RNF169: variants seen among roughly 807,000 people sequenced by gnomAD.
The protein encoded by RNF169 is E3 ubiquitin-protein ligase RNF169.
Under a neutral mutation model 53.9 loss-of-function variants are expected in RNF169, and 24 were observed. The ratio of observed to expected loss-of-function variants is 0.45; its 90% CI spans 0.32 to 0.63. The LOEUF (loss-of-function observed/expected upper bound fraction) is 0.63, where lower values mean the gene tolerates loss of function less well. Among genes scored for constraint, RNF169 ranks in the 20% least tolerant of loss-of-function variants. The pLI is 0.04. For synonymous variants in RNF169, 396 were observed against 363.5 expected (o/e 1.09, Z -1.02); for missense variants, 883 against 906.2 (o/e 0.97, Z 0.33).
At chr11:74,820,395 T>C (rs947304739) in intron 4 of RNF169, among the ~76,000 whole-genome samples, 1 of 152,016 alleles carries the variant, frequency 6.6e-6, no homozygotes, top group Non-Finnish European at 1.5e-5. Flanking sequence ...AATGGAAATA[T>C]CTAGAGGTGG....
intron 2 of RNF169, among the ~76,000 whole-genome samples, chr11:74,802,535 TG>T (rs1195419591): frequency 6.6e-6 from 1 of 152,012 alleles, no homozygotes; most frequent in African/African-American, 2.4e-5. Context: ...CCCAGCTACT[TG>T]GGAGGCTGAG....
chr11:74,794,166 T>G (rs139470381), intron 2 of RNF169, among the ~76,000 whole-genome samples: 1,567 of 152,194 alleles, frequency 0.01, 32 homozygotes, highest in African/African-American at 0.034. Context: ...AGAAAATGGA[T>G]ATTGGATTGG....
chr11:74,791,741 G>A (rs965037144), intron 2 of RNF169, among the ~76,000 whole-genome samples: 3 of 152,214 alleles, frequency 2.0e-5, no homozygotes, highest in Admixed American at 6.5e-5. Context: ...AGGTAGGGGC[G>A]CATCCTGGGC....
intron 4 of RNF169, among the ~76,000 whole-genome samples, chr11:74,833,877 T>C (rs1778143186): frequency 6.6e-6 from 1 of 152,076 alleles, no homozygotes; most frequent in Non-Finnish European, 1.5e-5. Flanking sequence ...GATACCCACA[T>C]ACAAAAGGAT....
At chr11:74,794,343 T>G (rs2035618195) in intron 2 of RNF169, among the ~76,000 whole-genome samples, 1 of 152,110 alleles carries the variant, frequency 6.6e-6, no homozygotes, top group South Asian at 2.1e-4. Context: ...GTTGTTACAG[T>G]TTTGGATGAT....
chr11:74,795,690 A>G (rs959066199), intron 2 of RNF169, among the ~76,000 whole-genome samples: 2 of 151,612 alleles, frequency 1.3e-5, no homozygotes, highest in African/African-American at 2.4e-5. Flanking sequence ...GTGAGACCCT[A>G]TCTCTACAAA....
intron 2 of RNF169, among the ~76,000 whole-genome samples, chr11:74,806,763 C>T (rs1192299869): frequency 6.6e-6 from 1 of 151,126 alleles, no homozygotes; most frequent in Non-Finnish European, 1.5e-5. Context: ...GTGTTAGAAG[C>T]CAGGATCATG....
chr11:74,796,451 T>C (rs2035650805), intron 2 of RNF169, among the ~76,000 whole-genome samples: 1 of 152,248 alleles, frequency 6.6e-6, no homozygotes, highest in South Asian at 2.1e-4. Context: ...ATATAAGACT[T>C]AGCCATCTTT....
At chr11:74,753,634 A>G (rs1360518576) in intron 1 of RNF169, among the ~76,000 whole-genome samples, 1 of 152,176 alleles carries the variant, frequency 6.6e-6, no homozygotes, top group Non-Finnish European at 1.5e-5. Flanking sequence ...CTCATCACAT[A>G]GTTGGATCAA....
intron 4 of RNF169, among the ~76,000 whole-genome samples, chr11:74,833,529 GC>G (rs1160733827): frequency 6.6e-6 from 1 of 152,120 alleles, no homozygotes; most frequent in Admixed American, 6.6e-5. Flanking sequence ...TCTCCTTTAT[GC>G]CGTTTCTGCT....
intron 1 of RNF169, among the ~76,000 whole-genome samples, chr11:74,758,483 C>T (rs569036953): frequency 2.3e-4 from 34 of 150,804 alleles, no homozygotes; most frequent in Non-Finnish European, 4.0e-4. Context: ...GCGATGCGGG[C>T]TCTTTTTTGG....
intron 2 of RNF169, among the ~76,000 whole-genome samples, chr11:74,805,083 G>C (rs2035785879): frequency 6.6e-6 from 1 of 152,200 alleles, no homozygotes; most frequent in African/African-American, 2.4e-5. Context: ...AAAATGACAT[G>C]AATGTCCATA....
chr11:74,820,120 G>C (rs1349043250), intron 4 of RNF169, among the ~76,000 whole-genome samples: 1 of 152,114 alleles, frequency 6.6e-6, no homozygotes, highest in East Asian at 1.9e-4. Context: ...AAAATTCACA[G>C]ATGAAATACA....
Position 74,837,392 on chromosome 11 carries a change from A to T in RNF169, c.*662A>T, listed in dbSNP as rs959470909. On this transcript the variant is annotated 3_prime_UTR_variant, in exon 6 of 6. Transcript: ENST00000299563. ...ATTAGCCCCATTTTTAGATGATGAA[A>T]CTGCAGTGCAGATGTTCTGGTTCTC... 5 of 152,226 alleles carry T rather than the reference A, an allele frequency of 3.3e-5. No homozygotes were observed. Among genetic ancestry groups the T allele is most frequent in the African/African-American group, 1.2e-4 (5 of 41,432 alleles). The allele number at this position is 152,226 out of a possible 1,614,324, so 9.4% of individuals were successfully genotyped here.
At chr11:74,761,523 T>C (rs1293906506) in intron 1 of RNF169, among the ~76,000 whole-genome samples, 2 of 151,180 alleles carry the variant, frequency 1.3e-5, no homozygotes, top group African/African-American at 4.9e-5. Flanking sequence ...ACAAAATCTC[T>C]CAGCATTTGC....
intron 1 of RNF169, among the ~76,000 whole-genome samples, chr11:74,775,823 G>A (rs978565419): frequency 1.3e-5 from 2 of 152,088 alleles, no homozygotes; most frequent in African/African-American, 4.8e-5. Flanking sequence ...TTATATGTCT[G>A]TCTCTGGCAC....
Position 74,840,206 on chromosome 11 carries a change from C to A in RNF169, c.*3476C>A, listed in dbSNP as rs2036333923. ...GCTTCAGACTTGAGCCAACCCTGAG[C>A]TGGACTGTGGAGATAAAGCAGTTCC... On this transcript the variant is annotated 3_prime_UTR_variant, in exon 6 of 6. Transcript: ENST00000299563. 6.6e-6 allele frequency: 1 copy of A among 152,218 alleles called. No individual in the cohort carries two copies. The highest frequency in any genetic ancestry group is 6.5e-5 in the Admixed American group (1 of 15,284). The allele number at this position is 152,218 out of a possible 1,614,324, so 9.4% of individuals were successfully genotyped here.
intron 1 of RNF169, among the ~76,000 whole-genome samples, chr11:74,753,560 T>TTACTTTTGTACCAGCCTAGTAGCTGG (rs2034934858): frequency 6.6e-6 from 1 of 152,220 alleles, no homozygotes; most frequent in East Asian, 1.9e-4. Context: ...AAAACAGCAA[T>TTACTTTTGTACCAGCCTAGTAGCTGG]TACTTTTGTA....
intron 1 of RNF169, among the ~76,000 whole-genome samples, chr11:74,786,286 G>A (rs1179765618): frequency 6.9e-6 from 1 of 145,504 alleles, no homozygotes; most frequent in East Asian, 2.0e-4. Flanking sequence ...TTGCTCTGTT[G>A]CCTAGGCACA....
Sources: allele counts gnomAD v4.1 joint callset (sites outside exome capture counted in the v4.1 genomes callset), GRCh38; gene constraint gnomAD v4.1.1; transcripts MANE v1.5; gene names NCBI Gene and HGNC (gene_info 2026-07-23, HGNC 2026-07-21).